The following ELK3 variants were observed in gnomAD, a reference collection of about 807,000 sequenced individuals.
ELK3 encodes the protein ETS domain-containing protein Elk-3.
A neutral mutation model predicts 28.9 loss-of-function variants in ELK3; 10 were observed. The observed-to-expected ratio is 0.35, with a 90% confidence interval of 0.21 to 0.59. The LOEUF (loss-of-function observed/expected upper bound fraction) is 0.59, where lower values mean the gene tolerates loss of function less well. Among genes scored for constraint, ELK3 ranks in the 20% least tolerant of loss-of-function variants. ELK3 has a pLI of 0.82. For missense variants in ELK3, 463 were observed against 517.3 expected, an observed-to-expected ratio of 0.90 and a Z score of 1.02; for synonymous variants, 272 against 243.5, an observed-to-expected ratio of 1.12 and a Z score of -1.09.
chr12:96,209,783 C>G (rs1331766007), intron 1 of ELK3, among the ~76,000 whole-genome samples: 2 of 152,148 alleles, frequency 1.3e-5, no homozygotes, highest in East Asian at 1.9e-4. Flanking sequence ...CATATTTTTA[C>G]TTTCAAATAC....
At chr12:96,235,644 C>CCA (rs1256305010) in intron 2 of ELK3, among the ~76,000 whole-genome samples, 1 of 151,956 alleles carries the variant, frequency 6.6e-6, no homozygotes, top group African/African-American at 2.4e-5. Flanking sequence ...GGTGACAAAG[C>CCA]CAGGATGAGA....
chr12:96,217,857 G>GAAA (rs1315681645), intron 1 of ELK3, among the ~76,000 whole-genome samples: 1 of 145,572 alleles, frequency 6.9e-6, no homozygotes, highest in Non-Finnish European at 1.5e-5. Context: ...AGAATCGCTT[G>GAAA]AACCCGGGAG....
chr12:96,214,994 T>G lies in ELK3; in HGVS notation c.-2-8571T>G, dbSNP rs573913597. Among the ~76,000 whole-genome samples, 5 of 152,260 alleles carry G rather than the reference T, an allele frequency of 3.3e-5. No individual in the cohort carries two copies. The South Asian group carries it at 1.0e-3, about 32-fold the overall frequency. On this transcript the variant is annotated intron_variant, in intron 1 of 4. Transcript: ENST00000228741. Reference sequence around the variant, plus strand: ...AGAAGTGTTCAAATCCATCTTCATTTCTCTAACCATGCAAAATTTAACAAA... The same window carrying G: ...AGAAGTGTTCAAATCCATCTTCATTGCTCTAACCATGCAAAATTTAACAAA...
At chr12:96,219,152 A>G (rs762198018) in intron 1 of ELK3, among the ~76,000 whole-genome samples, 2 of 152,108 alleles carry the variant, frequency 1.3e-5, no homozygotes, top group African/African-American at 2.4e-5. Context: ...CACTTTTTCA[A>G]TTGTTGATTT....
Position 96,247,409 on chromosome 12 carries a change from T to C in ELK3, c.677T>C (p.Met226Thr), listed in dbSNP as rs1592686593. The C allele has an allele frequency of 6.2e-7, 1 of 1,614,162 alleles. No individual in the cohort carries two copies. The change falls in exon 3 of 5, where the codon ATG becomes ACG. Residue 226 changes from methionine to threonine, a missense_variant. Met to Thr is a moderately conservative substitution (Grantham distance 81, BLOSUM62 -1). Around this residue, in one of 2 missense-constraint regions of ELK3, gnomAD observed 408 missense variants for 414.8 expected, o/e 0.98. Coordinates refer to ENST00000228741, the MANE Select transcript of ELK3 (RefSeq NM_005230.4). The surrounding 1 kb of genome is among the most constrained non-coding windows in gnomAD (Gnocchi z 5.5). Reference sequence around the variant, plus strand: ...GTCTCGGCCAAGATCTCCTCTTTAATGTTGCCAAACGCTGCCAGTATTTCA... The same window carrying C: ...GTCTCGGCCAAGATCTCCTCTTTAACGTTGCCAAACGCTGCCAGTATTTCA... ...SSVSAKISSLMLPNAASISSA... is the reference protein window; with the variant it reads ...SSVSAKISSLTLPNAASISSA...
chr12:96,265,551 TG>T (rs1952023263), intron 4 of ELK3, among the ~76,000 whole-genome samples: 1 of 152,136 alleles, frequency 6.6e-6, no homozygotes, highest in African/African-American at 2.4e-5. Context: ...CTAGGCATGG[TG>T]GCATCCACCT....
chr12:96,212,775 C>G (rs1483418406), intron 1 of ELK3: 1 of 152,148 alleles, frequency 6.6e-6, no homozygotes, highest in African/African-American at 2.4e-5. Context: ...AGTGCACACT[C>G]TGTGTGGCTA....
At chr12:96,250,446 C>A (rs1951894391) in intron 3 of ELK3, among the ~76,000 whole-genome samples, 1 of 152,182 alleles carries the variant, frequency 6.6e-6, no homozygotes, top group Non-Finnish European at 1.5e-5. Flanking sequence ...TAGGGTATGT[C>A]AGTGTCAGAT....
At chr12:96,225,659 C>G (rs765651530) in intron 2 of ELK3, among the ~76,000 whole-genome samples, 2 of 152,210 alleles carry the variant, frequency 1.3e-5, no homozygotes, top group African/African-American at 2.4e-5. Context: ...CAGGTGCACA[C>G]AGCCAGTGAG....
At chr12:96,224,310 G>A (rs985633962) in intron 2 of ELK3, among the ~76,000 whole-genome samples, 1 of 152,070 alleles carries the variant, frequency 6.6e-6, no homozygotes, top group Non-Finnish European at 1.5e-5. Flanking sequence ...TTACATGTAA[G>A]TACTTAGAAC....
chr12:96,252,278 T>C (rs1482482845), intron 3 of ELK3, among the ~76,000 whole-genome samples: 3 of 152,216 alleles, frequency 2.0e-5, no homozygotes, highest in African/African-American at 7.2e-5. Context: ...AGAGCTCTCA[T>C]GGAGATATAC....
chr12:96,225,693 A>G (rs1951694098), intron 2 of ELK3, among the ~76,000 whole-genome samples: 1 of 152,202 alleles, frequency 6.6e-6, no homozygotes, highest in Non-Finnish European at 1.5e-5. Flanking sequence ...ATTTGAACCC[A>G]GCTGGTCCAC....
Position 96,203,812 on chromosome 12 carries a change from A to T in ELK3, c.-3+9107A>T, listed in dbSNP as rs146776185. Among the ~76,000 whole-genome samples the T allele has an allele frequency of 9.0e-3, 1,369 of 152,282 alleles. 30 individuals carry two copies. Among genetic ancestry groups the T allele is most frequent in the African/African-American group, 0.03 (1,262 of 41,552 alleles). ...AAAAATTAGCCGAGTGTGGTGGCGC[A>T]TGCCTGTAATCCTAGCTACTTGGGA... is the stretch of plus-strand genomic sequence containing the variant. On this transcript the variant is annotated intron_variant, in intron 1 of 4. Transcript: ENST00000228741.
chr12:96,228,415 T>TAAA (rs1951719098), intron 2 of ELK3, among the ~76,000 whole-genome samples: 2 of 32,928 alleles, frequency 6.1e-5, no homozygotes, highest in Non-Finnish European at 9.8e-5. Context: ...AGACTCTGTG[T>TAAA]CAAAAAAAAA....
chr12:96,259,673 G>C, intron 3 of ELK3, 58 bp from the exon 4 acceptor site: 1 of 1,552,718 alleles, frequency 6.4e-7, no homozygotes, highest in Non-Finnish European at 8.7e-7. Context: ...CTGCTCTGTT[G>C]ATCATGGCCC....
At chr12:96,224,671 A>G (rs1410711197) in intron 2 of ELK3, among the ~76,000 whole-genome samples, 1 of 152,234 alleles carries the variant, frequency 6.6e-6, no homozygotes, top group Non-Finnish European at 1.5e-5. Context: ...TGCTAGGGCA[A>G]AATTATTGCT....
intron 4 of ELK3, among the ~76,000 whole-genome samples, chr12:96,260,853 A>C (rs1156963625): frequency 6.6e-6 from 1 of 152,094 alleles, no homozygotes; most frequent in Non-Finnish European, 1.5e-5. Context: ...TTTGGATACC[A>C]TTTCATCTAG....
At chr12:96,217,530 G>A (rs1003835282) in intron 1 of ELK3, among the ~76,000 whole-genome samples, 4 of 152,044 alleles carry the variant, frequency 2.6e-5, no homozygotes, top group Non-Finnish European at 5.9e-5. Context: ...TCATTATAAC[G>A]TCTGCCTGGT....
intron 2 of ELK3, among the ~76,000 whole-genome samples, chr12:96,241,426 T>TTGTGTGTGTGTG (rs57658963): frequency 1.2e-4 from 17 of 146,448 alleles, no homozygotes; most frequent in South Asian, 1.1e-3. Flanking sequence ...AGTGGAGCGT[T>TTGTGTGTGTGTG]TGTGTGTGTG....
Sources: allele counts gnomAD v4.1 joint callset (sites outside exome capture counted in the v4.1 genomes callset), GRCh38; gene constraint gnomAD v4.1.1; regional missense constraint gnomAD v4.1.1; non-coding constraint Gnocchi (gnomAD v3.1); transcripts MANE v1.5; gene names NCBI Gene and HGNC (gene_info 2026-07-23, HGNC 2026-07-21).